The following SLC7A13 variants were observed in gnomAD, a reference collection of about 807,000 sequenced individuals.
SLC7A13 encodes the protein solute carrier family 7 member 13.
SLC7A13 carries 31 observed loss-of-function variants against 32.0 expected under a neutral mutation model. The observed-to-expected ratio is 0.97, with a 90% CI of 0.73 to 1.31. The LOEUF (loss-of-function observed/expected upper bound fraction) is 1.31. SLC7A13 is among the 50% of genes most tolerant of loss of function. SLC7A13 has a pLI of 0.00. For missense variants in SLC7A13, 633 were observed against 546.9 expected (o/e 1.16, Z -1.57); for synonymous variants, 232 against 206.9 (o/e 1.12, Z -1.04).
At chr8:86,224,435 T>C (rs1820355295) in intron 1 of SLC7A13, among the ~76,000 whole-genome samples, 1 of 152,198 alleles carries the variant, frequency 6.6e-6, no homozygotes, top group African/African-American at 2.4e-5. Flanking sequence ...TCATACTGTA[T>C]ATTGAAAGGA....
intron 3 of SLC7A13, among the ~76,000 whole-genome samples, chr8:86,217,150 G>A (rs1455775564): frequency 6.6e-6 from 1 of 152,074 alleles, no homozygotes; most frequent in Non-Finnish European, 1.5e-5. Flanking sequence ...CCCTGACTGT[G>A]GAAGACATTC....
At chr8:86,221,579 A>G (rs893764457) in intron 2 of SLC7A13, among the ~76,000 whole-genome samples, 10 of 152,106 alleles carry the variant, frequency 6.6e-5, no homozygotes, top group African/African-American at 2.2e-4. Flanking sequence ...CTCGTCATCT[A>G]GCATTAGGTA....
chr8:86,222,918 T>C (rs1820323328), intron 2 of SLC7A13, 54 bp downstream of exon 2: 5 of 1,475,788 alleles, frequency 3.4e-6, no homozygotes, highest in Middle Eastern at 1.8e-4. Context: ...GAAATGATAG[T>C]TACGTTGAAA....
At chr8:86,215,558 C>T (rs532163724) in intron 3 of SLC7A13, 5 of 330,550 alleles carry the variant, frequency 1.5e-5, no homozygotes, top group South Asian at 8.9e-5. Flanking sequence ...TGGTGGCAGG[C>T]ACCTGTAATC....
Position 86,217,460 on chromosome 8 carries a change from C to A in SLC7A13, c.1179+10G>T. On this transcript the variant is annotated intron_variant, in intron 3 of 3. Transcript: ENST00000297524. ...TTTCACACAGAAAAGAATTAGAAATCCAATTTTACCTTATAAGGTATAGAT... is the reference window on the plus strand; with the variant it reads ...TTTCACACAGAAAAGAATTAGAAATACAATTTTACCTTATAAGGTATAGAT... 6.6e-7 allele frequency: 1 copy of A among 1,521,538 alleles called. No individual in the cohort carries two copies. The highest frequency in any genetic ancestry group is 8.8e-7 in the Non-Finnish European group (1 of 1,140,650). 94.3% of individuals were successfully genotyped at this position (1,521,538 alleles called of 1,614,324 possible). A position where few individuals can be genotyped will look rare whatever the true frequency, so the allele number is the denominator to read the frequency against.
intron 1 of SLC7A13, among the ~76,000 whole-genome samples, chr8:86,227,364 T>C (rs1374461087): frequency 1.3e-5 from 2 of 151,980 alleles, no homozygotes; most frequent in Non-Finnish European, 2.9e-5. Context: ...TAAAAGAATG[T>C]GAAAAGTCCT....
intron 1 of SLC7A13, among the ~76,000 whole-genome samples, chr8:86,224,890 A>ATATT (rs1820363255): frequency 6.6e-6 from 1 of 151,862 alleles, no homozygotes; most frequent in African/African-American, 2.4e-5. Flanking sequence ...TATTTTTTTC[A>ATATT]TATTTATTTA....
At chr8:86,214,680 A>G in intron 3 of SLC7A13, 34 bp from the exon 4 acceptor site, 5 of 1,434,142 alleles carry the variant, frequency 3.5e-6, no homozygotes, top group Non-Finnish European at 4.8e-6. Context: ...AATATTGGAT[A>G]TGAACATCCA....
intron 3 of SLC7A13, among the ~76,000 whole-genome samples, chr8:86,217,052 C>T (rs1820193771): frequency 6.6e-6 from 1 of 152,102 alleles, no homozygotes; most frequent in Non-Finnish European, 1.5e-5. Flanking sequence ...TGTAATTTGC[C>T]AACAAAGTAA....
Position 86,217,522 on chromosome 8 carries a change from A to G in SLC7A13, c.1127T>C (p.Ile376Thr), listed in dbSNP as rs1820207073. 6.9e-6 allele frequency: 11 copies of G among 1,605,660 alleles called. No individual in the cohort carries two copies. Among genetic ancestry groups the G allele is most frequent in the Non-Finnish European group, 9.3e-6 (11 of 1,176,808 alleles). Reference protein sequence around the residue: ...TGSLWSILLMIGILRRRYQEP... With the variant: ...TGSLWSILLMTGILRRRYQEP... ...CTGGTATCTCCGCCTTAGTATTCCT[A>G]TCATTAATAATATAGACCATAATGA... Residue 376 changes from isoleucine to threonine, a missense_variant, in exon 3 of 4, where the codon ATA (isoleucine) becomes ACA (threonine). Transcript: ENST00000297524.
intron 1 of SLC7A13, among the ~76,000 whole-genome samples, chr8:86,228,402 T>C (rs916833583): frequency 6.6e-6 from 1 of 152,128 alleles, no homozygotes; most frequent in African/African-American, 2.4e-5. Context: ...TGAGACAGGG[T>C]CTCACTCTGT....
At chr8:86,226,620 C>T (rs78737047) in intron 1 of SLC7A13, among the ~76,000 whole-genome samples, 3,751 of 152,284 alleles carry the variant, frequency 0.025, 174 homozygotes, top group African/African-American at 0.084. Context: ...ATCTGTCCCC[C>T]TCCAACCCTA....
In SLC7A13 at chr8:86,215,469, C is replaced by T. The variant is rs575411479; in HGVS notation, c.1180-823G>A. 3.3e-4 allele frequency: 78 copies of T among 234,728 alleles called. 3 individuals are homozygous for T. The highest frequency in any genetic ancestry group is 3.1e-3 in the South Asian group (75 of 23,908). 14.5% of individuals were successfully genotyped at this position (234,728 alleles called of 1,614,324 possible). On this transcript the variant is annotated intron_variant, in intron 3 of 3. Transcript: ENST00000297524. ...TTGTGAGGTCAAGGTGGATGGATCA[C>T]GAGATCAGGAGATCGAGATCAGCCT...
intron 2 of SLC7A13, among the ~76,000 whole-genome samples, chr8:86,220,896 A>G (rs1457726193): frequency 8.6e-5 from 13 of 151,120 alleles, no homozygotes; most frequent in Non-Finnish European, 1.8e-4. Context: ...CAAAAGGCTG[A>G]GGCACAAGAA....
chr8:86,221,034 C>G (rs188636792), intron 2 of SLC7A13, among the ~76,000 whole-genome samples: 14 of 151,888 alleles, frequency 9.2e-5, no homozygotes, highest in South Asian at 2.1e-4. Context: ...TATAACTTTC[C>G]CCCTTATTAC....
intron 2 of SLC7A13, among the ~76,000 whole-genome samples, chr8:86,218,101 A>G (rs1396977860): frequency 6.6e-6 from 1 of 152,166 alleles, no homozygotes; most frequent in Admixed American, 6.6e-5. Flanking sequence ...AGGATAATCC[A>G]TTTATTTTCT....
At chr8:86,219,509 G>A (rs1820251802) in intron 2 of SLC7A13, among the ~76,000 whole-genome samples, 1 of 152,174 alleles carries the variant, frequency 6.6e-6, no homozygotes, top group African/African-American at 2.4e-5. Flanking sequence ...GAAGTGAAAA[G>A]TAAATGTCCC....
chr8:86,220,716 A>C (rs1391960012), intron 2 of SLC7A13, among the ~76,000 whole-genome samples: 1 of 152,110 alleles, frequency 6.6e-6, no homozygotes, highest in East Asian at 1.9e-4. Context: ...TAATTTAAGA[A>C]ACTATATTTG....
At position 86,217,701 on chromosome 8, in the gene SLC7A13, AAG is replaced by A; in HGVS notation, c.946_947del (p.Leu316CysfsTer12). ...AAGGCAGCTGGCCCTCTTGGCTTGC[AAG>A]ATATATTGGTCTCGATGATTTAAAT... is the stretch of plus-strand genomic sequence containing the variant. ...SIFKSSRPIYLASQEGQLPLL... is the reference protein window; with the variant it reads ...SIFKSSRPIYXASQEGQLPLL... On this transcript the variant is annotated frameshift_variant, in exon 3 of 4. Coordinates refer to ENST00000297524, the MANE Select transcript of SLC7A13 (RefSeq NM_138817.3). LOFTEE classifies it high-confidence loss of function. The A allele has an allele frequency of 6.2e-7, 1 of 1,613,550 alleles. No homozygotes were observed. The highest frequency in any genetic ancestry group is 1.1e-5 in the South Asian group (1 of 91,048).
Sources: gnomAD v4.1 joint callset for allele counts (sites outside exome capture counted in the v4.1 genomes callset) on GRCh38, gnomAD v4.1.1 for gene constraint, MANE v1.5 for transcripts, NCBI Gene and HGNC (gene_info 2026-07-23, HGNC 2026-07-21) for gene names.